Variants in IL1RAPL1 observed in about 807,000 individuals in gnomAD.
IL1RAPL1 encodes interleukin-1 receptor accessory protein-like 1.
In IL1RAPL1, 3 loss-of-function variants were observed where a neutral mutation model predicts 48.4. That is an observed-to-expected ratio of 0.06 (90% CI 0.03 to 0.16). The LOEUF (loss-of-function observed/expected upper bound fraction) is 0.16. Among genes scored for constraint, IL1RAPL1 ranks in the 10% least tolerant of loss-of-function variants. The probability of loss-of-function intolerance (pLI) is 1.00; values close to 1 mark genes in which losing one functional copy is unlikely to be tolerated. For synonymous variants in IL1RAPL1, 185 were observed against 187.7 expected, an observed-to-expected ratio of 0.99 and a Z score of 0.12; for missense variants, 349 against 530.6, an observed-to-expected ratio of 0.66 and a Z score of 3.36.
intron 6 of IL1RAPL1, among the ~76,000 whole-genome samples, chrX:29,802,759 A>ATATATATATATG (rs1569172588): frequency 6.9e-4 from 15 of 21,719 alleles, no homozygotes; most frequent in Non-Finnish European, 9.6e-4. Context: ...ATATATATAT[A>ATATATATATATG]TATATATATA....
At chrX:28,945,491 A>G (rs918264957) in intron 2 of IL1RAPL1, among the ~76,000 whole-genome samples, 2 of 111,038 alleles carry the variant, frequency 1.8e-5, no homozygotes, top group African/African-American at 3.3e-5. Flanking sequence ...TCAGCAAACT[A>G]TCACAGGAAC....
At chrX:29,535,231 G>A (rs1362925001) in intron 5 of IL1RAPL1, among the ~76,000 whole-genome samples, 1 of 108,593 alleles carries the variant, frequency 9.2e-6, no homozygotes, top group Non-Finnish European at 1.9e-5. Flanking sequence ...TGTCAGATGA[G>A]CAAACTTCCC....
In IL1RAPL1 at chrX:28,882,632, A is replaced by G. The variant is rs913460431; in HGVS notation, c.82+93207A>G. ...CACTCCAGCGTGGGTCACAAGAGTGAAACTCCAGCTGAGCCCCCGCCACTG... is the reference window on the plus strand; with the variant it reads ...CACTCCAGCGTGGGTCACAAGAGTGGAACTCCAGCTGAGCCCCCGCCACTG... On this transcript the variant is annotated intron_variant, in intron 2 of 10. Transcript: ENST00000378993. Among the ~76,000 whole-genome samples the G allele has an allele frequency of 3.6e-5, 4 of 111,520 alleles. No individual in the cohort carries two copies. The East Asian group carries it at 1.1e-3, about 31-fold the overall frequency.
intron 2 of IL1RAPL1, among the ~76,000 whole-genome samples, chrX:28,954,459 T>G (rs1924550136): frequency 9.0e-6 from 1 of 110,682 alleles, no homozygotes. Flanking sequence ...TTGCCCCCAC[T>G]TTAGTTAGGT....
rs181781060 is a variant in IL1RAPL1 at position 29,129,335 on chromosome X, G to T, written c.83-153603G>T. 6.7e-3 allele frequency among the ~76,000 whole-genome samples: 748 copies of T among 110,955 alleles called. 4 individuals carry two copies. Among genetic ancestry groups the T allele is most frequent in the African/African-American group, 0.022 (675 of 30,583 alleles). ...TGGGATTACAGGCATGAGCCACCAC[G>T]CCAGCCTACATAGAATCATTTTACA... On this transcript the variant is annotated intron_variant, in intron 2 of 10. Transcript: ENST00000378993.
At chrX:29,695,597 CGA>C (rs10635140) in intron 6 of IL1RAPL1, among the ~76,000 whole-genome samples, 191 of 94,264 alleles carry the variant, frequency 2.0e-3, no homozygotes, top group East Asian at 3.1e-3. Context: ...TGCAAGGTGG[CGA>C]GAGAGAGAGA....
intron 1 of IL1RAPL1, among the ~76,000 whole-genome samples, chrX:28,749,904 C>CA (rs1168059884): frequency 1.1e-5 from 1 of 93,384 alleles, no homozygotes; most frequent in Non-Finnish European, 2.1e-5. Context: ...GTCATTCATC[C>CA]AAAAAAAAGA....
chrX:28,960,266 C>T (rs189872475), intron 2 of IL1RAPL1, among the ~76,000 whole-genome samples: 229 of 111,388 alleles, frequency 2.1e-3, no homozygotes, highest in Middle Eastern at 4.6e-3. Context: ...ATTATCATGA[C>T]GTCATGATAA....
intron 5 of IL1RAPL1, among the ~76,000 whole-genome samples, chrX:29,629,423 A>G (rs1430205544): frequency 9.0e-6 from 1 of 111,241 alleles, no homozygotes; most frequent in Non-Finnish European, 1.9e-5. Context: ...GTTATCCTAG[A>G]AGTTTGAGAA....
At chrX:28,869,478 A>G (rs1569189492) in intron 2 of IL1RAPL1, among the ~76,000 whole-genome samples, 1 of 112,286 alleles carries the variant, frequency 8.9e-6, no homozygotes, top group Admixed American at 9.5e-5. Flanking sequence ...ACCTTGATAC[A>G]TTGGAATACT....
At chrX:29,766,214 G>A (rs1757657507) in intron 6 of IL1RAPL1, among the ~76,000 whole-genome samples, 1 of 102,473 alleles carries the variant, frequency 9.8e-6, no homozygotes, top group South Asian at 4.5e-4. Context: ...TGTAATCCCA[G>A]CTACTCGGGA....
intron 5 of IL1RAPL1, among the ~76,000 whole-genome samples, chrX:29,637,281 C>CATAT (rs58166479): frequency 0.015 from 1,495 of 98,839 alleles, 18 homozygotes; most frequent in Middle Eastern, 0.038. Context: ...ATATATATAA[C>CATAT]ATATATATAT....
intron 5 of IL1RAPL1, among the ~76,000 whole-genome samples, chrX:29,654,923 A>T (rs58514066): frequency 0.13 from 14,226 of 109,823 alleles, 1,090 homozygotes; most frequent in African/African-American, 0.29. Flanking sequence ...AATTAAAAAT[A>T]GTTTTATATT....
At chrX:29,672,957 A>C (rs754087235) in intron 6 of IL1RAPL1, among the ~76,000 whole-genome samples, 1 of 112,299 alleles carries the variant, frequency 8.9e-6, no homozygotes, top group African/African-American at 3.2e-5. Context: ...ATTTTTAAAC[A>C]TAGATCTTAG....
chrX:28,996,372 T>G (rs1019210988), intron 2 of IL1RAPL1, among the ~76,000 whole-genome samples: 4 of 111,884 alleles, frequency 3.6e-5, no homozygotes, highest in African/African-American at 1.3e-4. Context: ...TTGATGATCA[T>G]TTGGGTAGTT....
chrX:29,476,872 CTTT>C (rs1198120274), intron 5 of IL1RAPL1, among the ~76,000 whole-genome samples: 3 of 53,929 alleles, frequency 5.6e-5, no homozygotes, highest in African/African-American at 2.7e-4. Context: ...TACCCATATT[CTTT>C]TTTTTTTTTT....
At chrX:29,197,431 T>A (rs1377881811) in intron 2 of IL1RAPL1, among the ~76,000 whole-genome samples, 2 of 111,769 alleles carry the variant, frequency 1.8e-5, no homozygotes, top group African/African-American at 6.5e-5. Context: ...AGCCCCACTT[T>A]AATGAAAATG....
chrX:29,900,242 C>T (rs1446107343), intron 6 of IL1RAPL1, among the ~76,000 whole-genome samples: 2 of 112,205 alleles, frequency 1.8e-5, no homozygotes, highest in African/African-American at 6.5e-5. Flanking sequence ...CATGCATTAG[C>T]CATCATGATT....
intron 3 of IL1RAPL1, among the ~76,000 whole-genome samples, chrX:29,323,255 T>C (rs1166414388): frequency 1.8e-5 from 2 of 111,616 alleles, no homozygotes; most frequent in African/African-American, 3.3e-5. Context: ...CAATTCTCTA[T>C]CTCCATGGCT....
Sources: allele counts gnomAD v4.1 joint callset (sites outside exome capture counted in the v4.1 genomes callset), GRCh38; gene constraint gnomAD v4.1.1; transcripts MANE v1.5; gene names NCBI Gene and HGNC (gene_info 2026-07-23, HGNC 2026-07-21).